Variants in RHBDL3 observed in about 807,000 individuals in gnomAD.
RHBDL3 encodes the protein rhomboid like 3, also known as rhomboid-related protein 3.
In RHBDL3, 28 loss-of-function variants were observed where a neutral mutation model predicts 48.2. That is an observed-to-expected ratio of 0.58 (90% CI 0.43 to 0.80). RHBDL3 has a LOEUF of 0.80. Ranked by LOEUF, RHBDL3 falls within the 30% of genes least tolerant of loss-of-function variation. The pLI is 0.00. For synonymous variants in RHBDL3, 208 were observed against 232.3 expected (o/e 0.90, Z 0.95); for missense variants, 464 against 542.7 (o/e 0.85, Z 1.44).
At chr17:32,289,335 C>T (rs1411038408) in intron 4 of RHBDL3, among the ~76,000 whole-genome samples, 1 of 152,040 alleles carries the variant, frequency 6.6e-6, no homozygotes, top group Non-Finnish European at 1.5e-5. Flanking sequence ...GTCATAAGTT[C>T]ATTGACTTGG....
At chr17:32,305,588 G>C (rs1259762686) in intron 7 of RHBDL3, 147 bp downstream of exon 7, 1 of 655,130 alleles carries the variant, frequency 1.5e-6, no homozygotes. Context: ...ACCCTCTGCA[G>C]GCCCATTTCA....
rs1212842954 is a variant in RHBDL3 at position 32,321,448 on chromosome 17, G to A, written c.*219G>A. 2.2e-5 allele frequency: 30 copies of A among 1,368,190 alleles called. No homozygotes were observed. Among genetic ancestry groups the A allele is most frequent in the African/African-American group, 5.7e-5 (4 of 69,704 alleles). The allele number at this position is 1,368,190 out of a possible 1,614,324, so 84.8% of individuals were successfully genotyped here. A position where few individuals can be genotyped will look rare whatever the true frequency, so the allele number is the denominator to read the frequency against. On this transcript the variant is annotated 3_prime_UTR_variant, in exon 9 of 9. Transcript: ENST00000269051. ...TGATGTGGCTGCTGTCGTTTTTCTC[G>A]GCTGCTCTGATGACATCGGGCCAGG...
intron 2 of RHBDL3, among the ~76,000 whole-genome samples, chr17:32,283,451 G>T (rs1033727677): frequency 2.6e-5 from 4 of 151,102 alleles, no homozygotes; most frequent in Non-Finnish European, 5.9e-5. Flanking sequence ...AGCCTCCCGA[G>T]TAGCTGGGAC....
Position 32,321,447 on chromosome 17 carries a change from C to A in RHBDL3, c.*218C>A, listed in dbSNP as rs745963335. ...TTGATGTGGCTGCTGTCGTTTTTCT[C>A]GGCTGCTCTGATGACATCGGGCCAG... is the stretch of plus-strand genomic sequence containing the variant. On this transcript the variant is annotated 3_prime_UTR_variant, in exon 9 of 9. Coordinates refer to ENST00000269051, the MANE Select transcript of RHBDL3 (RefSeq NM_138328.3). The A allele has an allele frequency of 1.0e-5, 14 of 1,370,962 alleles. No homozygotes were observed. The highest frequency in any genetic ancestry group is 1.4e-5 in the Non-Finnish European group (14 of 1,012,938). 84.9% of individuals were successfully genotyped at this position (1,370,962 alleles called of 1,614,324 possible).
chr17:32,269,516 C>T (rs1432959286), intron 2 of RHBDL3, among the ~76,000 whole-genome samples: 1 of 152,188 alleles, frequency 6.6e-6, no homozygotes, highest in Non-Finnish European at 1.5e-5. Flanking sequence ...TTGGGGTGAT[C>T]ATCCACATTA....
At chr17:32,281,275 G>T (rs1000376061) in intron 2 of RHBDL3, among the ~76,000 whole-genome samples, 5 of 152,134 alleles carry the variant, frequency 3.3e-5, no homozygotes, top group Admixed American at 3.3e-4. Flanking sequence ...ACTGGAGGGG[G>T]AGATTGAGGG....
At chr17:32,318,953 G>C (rs1359864598) in intron 8 of RHBDL3, among the ~76,000 whole-genome samples, 1 of 152,130 alleles carries the variant, frequency 6.6e-6, no homozygotes, top group Non-Finnish European at 1.5e-5. Flanking sequence ...TGGGGCTGGA[G>C]AATCTCTCAT....
Position 32,324,326 on chromosome 17 carries a change from TTA to T in RHBDL3, c.*3098_*3099del, listed in dbSNP as rs1308118979. 14 of 152,754 alleles carry T rather than the reference TTA, an allele frequency of 9.2e-5. No homozygotes were observed. In the East Asian group the frequency reaches 2.5e-3, roughly 27 times the overall value. 9.5% of individuals were successfully genotyped at this position (152,754 alleles called of 1,614,324 possible). On this transcript the variant is annotated 3_prime_UTR_variant, in exon 9 of 9. Coordinates refer to ENST00000269051, the MANE Select transcript of RHBDL3 (RefSeq NM_138328.3). ...ATGAGAACCATTCTTGCCCAGAGGA[TTA>T]GGGGAGCTGTTGCTCACCACACCAG...
In RHBDL3 at chr17:32,324,211, G is replaced by A. The variant is rs142208213; in HGVS notation, c.*2982G>A. 2.6e-5 allele frequency: 4 copies of A among 152,614 alleles called. No homozygotes were observed. Among genetic ancestry groups the A allele is most frequent in the Admixed American group, 2.6e-4 (4 of 15,274 alleles). The allele number at this position is 152,614 out of a possible 1,614,324, so 9.5% of individuals were successfully genotyped here. ...AACAAACCTTCAAAGGAGAAATTTC[G>A]CTTTAATGACACCATTCATCATTCG... On this transcript the variant is annotated 3_prime_UTR_variant, in exon 9 of 9. Transcript: ENST00000269051.
chr17:32,286,531 T>C (rs1331228018), intron 3 of RHBDL3, among the ~76,000 whole-genome samples: 2 of 152,214 alleles, frequency 1.3e-5, no homozygotes, highest in African/African-American at 4.8e-5. Context: ...TTCCCATTTG[T>C]AGAATAGATC....
At chr17:32,266,445 G>T in intron 1 of RHBDL3, 145 bp downstream of exon 1, 1 of 442,608 alleles carries the variant, frequency 2.3e-6, no homozygotes, top group Non-Finnish European at 4.0e-6. Flanking sequence ...CGGGCAGGAG[G>T]GGGCGGAGGG....
At chr17:32,272,879 T>C (rs1388925595) in intron 2 of RHBDL3, among the ~76,000 whole-genome samples, 2 of 152,234 alleles carry the variant, frequency 1.3e-5, no homozygotes, top group Admixed American at 1.3e-4. Context: ...AGGCCCTGAC[T>C]GTGCAGCTAC....
intron 8 of RHBDL3, among the ~76,000 whole-genome samples, 181 bp from the exon 9 acceptor site, chr17:32,320,777 C>T (rs977617418): frequency 5.9e-5 from 9 of 152,228 alleles, no homozygotes; most frequent in Admixed American, 5.2e-4. Context: ...TGGTTTATTG[C>T]TAGACCCTGT....
intron 7 of RHBDL3, among the ~76,000 whole-genome samples, chr17:32,309,213 T>A (rs943673722): frequency 1.5e-5 from 2 of 133,372 alleles, no homozygotes; most frequent in African/African-American, 6.0e-5. Context: ...TGTGTGTGTG[T>A]GTGAGATACA....
intron 8 of RHBDL3, among the ~76,000 whole-genome samples, chr17:32,319,567 G>A (rs377394776): frequency 2.0e-5 from 3 of 152,304 alleles, no homozygotes; most frequent in South Asian, 4.1e-4. Flanking sequence ...CCCAGGGCAG[G>A]AGTGGGAGTG....
chr17:32,312,541 C>CA (rs1321992734), intron 7 of RHBDL3, among the ~76,000 whole-genome samples: 8 of 152,106 alleles, frequency 5.3e-5, no homozygotes, highest in South Asian at 2.1e-4. Context: ...TGTTTTGAGA[C>CA]AGAGTCTCAC....
At chr17:32,309,679 T>A (rs1251113023) in intron 7 of RHBDL3, among the ~76,000 whole-genome samples, 1 of 151,564 alleles carries the variant, frequency 6.6e-6, no homozygotes, top group Admixed American at 6.6e-5. Flanking sequence ...GGTAATCCCA[T>A]CTTCACAAAA....
At chr17:32,293,174 G>GGGC (rs373533310) in intron 4 of RHBDL3, among the ~76,000 whole-genome samples, 1 of 81,982 alleles carries the variant, frequency 1.2e-5, no homozygotes, top group Non-Finnish European at 2.4e-5. Flanking sequence ...GCTGGAGGGA[G>GGGC]GGGGTGGGGC....
rs149345995 is a variant in RHBDL3 at position 32,272,784 on chromosome 17, AATAG to A, written c.135+4863_135+4866del. Among the ~76,000 whole-genome samples the A allele has an allele frequency of 8.7e-4, 132 of 152,336 alleles. 1 individual carries two copies. The East Asian group carries it at 0.013, about 15-fold the overall frequency. On this transcript the variant is annotated intron_variant, in intron 2 of 8. Coordinates refer to ENST00000269051, the MANE Select transcript of RHBDL3 (RefSeq NM_138328.3). ...TCGCCTGGCTGCCTGCCTGACACAT[AATAG>A]ATACACACGTTTGAGCGAACGACAG... is the stretch of plus-strand genomic sequence containing the variant.
Sources: allele counts gnomAD v4.1 joint callset (sites outside exome capture counted in the v4.1 genomes callset), GRCh38; gene constraint gnomAD v4.1.1; transcripts MANE v1.5; gene names NCBI Gene and HGNC (gene_info 2026-07-23, HGNC 2026-07-21).